CDH4: variants seen among roughly 807,000 people sequenced by gnomAD.
The protein encoded by CDH4 is cadherin-4.
CDH4 carries 33 observed loss-of-function variants against 86.0 expected under a neutral mutation model. The ratio of observed to expected loss-of-function variants is 0.38; its 90% CI spans 0.29 to 0.51. The LOEUF is 0.51. Ranked by LOEUF, CDH4 falls within the 20% of genes least tolerant of loss-of-function variation. The pLI is 0.86. For synonymous variants in CDH4, 555 were observed against 549.4 expected, an observed-to-expected ratio of 1.01 and a Z score of -0.14; for missense variants, 1,114 against 1,307.4, an observed-to-expected ratio of 0.85 and a Z score of 2.28.
At chr20:61,556,071 TG>T (rs1263284112) in intron 2 of CDH4, among the ~76,000 whole-genome samples, 2 of 152,152 alleles carry the variant, frequency 1.3e-5, no homozygotes, top group Non-Finnish European at 2.9e-5. Context: ...ACCCCCCATG[TG>T]GGAGACACAG....
chr20:61,414,608 C>G (rs1342444991), intron 2 of CDH4, among the ~76,000 whole-genome samples: 1 of 152,184 alleles, frequency 6.6e-6, no homozygotes, highest in African/African-American at 2.4e-5. Context: ...GTTGCAAGCA[C>G]AGCAGGAAGC....
chr20:61,410,929 C>T (rs2085115639), intron 2 of CDH4, among the ~76,000 whole-genome samples: 1 of 151,628 alleles, frequency 6.6e-6, no homozygotes, highest in Non-Finnish European at 1.5e-5. Context: ...ATCCATTCAT[C>T]CATCTGTCCA....
intron 2 of CDH4, among the ~76,000 whole-genome samples, chr20:61,710,694 G>A (rs1468532069): frequency 2.6e-5 from 4 of 152,218 alleles, no homozygotes; most frequent in South Asian, 2.1e-4. Flanking sequence ...GCAGAGCCAC[G>A]TTCATCCTGA....
chr20:61,741,199 ACTCCAT>A (rs971517521), intron 2 of CDH4, among the ~76,000 whole-genome samples: 15 of 152,024 alleles, frequency 9.9e-5, no homozygotes, highest in African/African-American at 3.4e-4. Context: ...GCAGAGCAAG[ACTCCAT>A]CTCAAAAAAC....
At chr20:61,934,255 G>A (rs1473306773) in intron 15 of CDH4, 35 bp downstream of exon 15, 10 of 1,502,104 alleles carry the variant, frequency 6.7e-6, no homozygotes, top group Non-Finnish European at 8.9e-6. Context: ...GCCCGGGCAA[G>A]GTGTCTCCTC....
intron 2 of CDH4, among the ~76,000 whole-genome samples, chr20:61,361,166 G>A (rs2084781233): frequency 6.6e-6 from 1 of 152,178 alleles, no homozygotes. Context: ...GACTGAGAGG[G>A]AAGGAGCCCT....
intron 4 of CDH4, among the ~76,000 whole-genome samples, chr20:61,813,459 C>G (rs1980544526): frequency 1.3e-5 from 2 of 152,210 alleles, no homozygotes; most frequent in African/African-American, 4.8e-5. Flanking sequence ...TCTCTTTCCA[C>G]CAATGGGGAC....
intron 2 of CDH4, among the ~76,000 whole-genome samples, chr20:61,682,449 GGGGA>G (rs537167182): frequency 2.7e-5 from 4 of 146,196 alleles, no homozygotes; most frequent in South Asian, 2.2e-4. Flanking sequence ...GGTGGGAGAA[GGGGA>G]GGGAGGGAGG....
Position 61,726,153 on chromosome 20 carries a change from C to G in CDH4, c.170-17410C>G, listed in dbSNP as rs548957562. On this transcript the variant is annotated intron_variant, in intron 2 of 15. Transcript: ENST00000614565. ...CGGGGGGGACTGTGGTGAACCCTCT[C>G]CACTCCTGCAGCAACAAGTGTGTCT... Among the ~76,000 whole-genome samples, 13 of 152,162 alleles carry G rather than the reference C, an allele frequency of 8.5e-5. No homozygotes were observed. The South Asian group carries it at 1.3e-3, about 15-fold the overall frequency.
intron 7 of CDH4, among the ~76,000 whole-genome samples, chr20:61,880,200 G>A (rs1403275529): frequency 4.6e-5 from 7 of 152,156 alleles, no homozygotes; most frequent in South Asian, 2.1e-4. Flanking sequence ...TGAGAGCGGC[G>A]TGGCTTTCTG....
chr20:61,605,513 C>T (rs868099798), intron 2 of CDH4, among the ~76,000 whole-genome samples: 11 of 144,334 alleles, frequency 7.6e-5, no homozygotes, highest in Non-Finnish European at 1.2e-4. Context: ...CTCTCCCTTT[C>T]TGTCTCTCCC....
At chr20:61,916,319 C>T (rs1389098706) in intron 9 of CDH4, among the ~76,000 whole-genome samples, 1 of 152,198 alleles carries the variant, frequency 6.6e-6, no homozygotes. Context: ...GCTCTTTGCT[C>T]ACTTACCCCT....
At chr20:61,843,398 C>T (rs373780090) in intron 4 of CDH4, among the ~76,000 whole-genome samples, 22 of 135,256 alleles carry the variant, frequency 1.6e-4, no homozygotes, top group African/African-American at 5.5e-4. Flanking sequence ...TGCAGTGAGC[C>T]GAGATTGCAC....
rs1982834664 is a variant in CDH4, at chr20:61,853,438, C to T, written c.877+540C>T. On this transcript the variant is annotated intron_variant, in intron 6 of 15. Transcript: ENST00000614565. ...CCCGGACTCCCCCCACAGAGGCGAT[C>T]CCATGTGACTGAGGCTGTCTGCTCC... Among the ~76,000 whole-genome samples, 3 of 152,156 alleles carry T rather than the reference C, an allele frequency of 2.0e-5. No homozygotes were observed. The South Asian group carries it at 6.2e-4, about 32-fold the overall frequency.
chr20:61,680,654 T>A (rs1447272603), intron 2 of CDH4, among the ~76,000 whole-genome samples: 2 of 152,186 alleles, frequency 1.3e-5, no homozygotes, highest in Non-Finnish European at 2.9e-5. Flanking sequence ...TGGTTCCCTG[T>A]GGATTTTCAG....
At chr20:61,300,682 A>G (rs1371341982) in intron 2 of CDH4, among the ~76,000 whole-genome samples, 1 of 151,476 alleles carries the variant, frequency 6.6e-6, no homozygotes, top group African/African-American at 2.4e-5. Context: ...TGGCCCCCAC[A>G]CCCAGCCTTC....
intron 2 of CDH4, among the ~76,000 whole-genome samples, chr20:61,460,023 G>A (rs553999805): frequency 5.9e-5 from 9 of 152,210 alleles, no homozygotes; most frequent in African/African-American, 1.4e-4. Flanking sequence ...TGGGTGTCTC[G>A]AGGCCCAAGC....
At chr20:61,626,860 G>A (rs2086834101) in intron 2 of CDH4, among the ~76,000 whole-genome samples, 1 of 152,204 alleles carries the variant, frequency 6.6e-6, no homozygotes, top group Admixed American at 6.5e-5. Flanking sequence ...TCAGGCCAGA[G>A]AATGAGCAAC....
chr20:61,802,913 C>G (rs955692226), intron 4 of CDH4, among the ~76,000 whole-genome samples: 1 of 152,236 alleles, frequency 6.6e-6, no homozygotes, highest in Non-Finnish European at 1.5e-5. Flanking sequence ...CAGGCTGGCT[C>G]TCGCTGGAGG....
Sources: allele counts gnomAD v4.1 joint callset (sites outside exome capture counted in the v4.1 genomes callset), GRCh38; gene constraint gnomAD v4.1.1; transcripts MANE v1.5; gene names NCBI Gene and HGNC (gene_info 2026-07-23, HGNC 2026-07-21).